The following SETD5 variants were observed in gnomAD, a reference collection of about 807,000 sequenced individuals.
SETD5 encodes SET domain containing 5.
SETD5 carries 44 observed loss-of-function variants against 153.3 expected under a neutral mutation model. The ratio of observed to expected loss-of-function variants is 0.29; its 90% CI spans 0.23 to 0.37. SETD5 has a LOEUF of 0.37. SETD5 is among the 10% of genes least tolerant of loss of function. The probability of loss-of-function intolerance (pLI) is 1.00; values close to 1 mark genes in which losing one functional copy is unlikely to be tolerated. For synonymous variants in SETD5, 716 were observed against 645.2 expected, an observed-to-expected ratio of 1.11 and a Z score of -1.66; for missense variants, 1,544 against 1,768.0, an observed-to-expected ratio of 0.87 and a Z score of 2.27.
In SETD5 at chr3:9,453,812, A is replaced by G; in HGVS notation, c.2420A>G (p.His807Arg). 1 of 1,607,956 alleles carries G rather than the reference A, an allele frequency of 6.2e-7. No homozygotes were observed. The highest frequency in any genetic ancestry group is 8.5e-7 in the Non-Finnish European group (1 of 1,178,242). The stretch of plus-strand genomic sequence containing the variant: ...GTACCCCAAGAGACTAGAACTCAGC[A>G]CCTATACCAAAGCAATGAGAATAGT... ...SSVPQETRTQ[H>R]LYQSNENSSS... The change falls in exon 17 of 23, where the codon CAC becomes CGC. Residue 807 changes from histidine (H) to arginine (R), a missense_variant. Transcript: ENST00000402198.
intron 19 of SETD5, among the ~76,000 whole-genome samples, chr3:9,472,912 G>T (rs895752201): frequency 1.3e-5 from 2 of 152,172 alleles, no homozygotes; most frequent in Admixed American, 1.3e-4. Context: ...GCATGCTTCT[G>T]TTACTGTGTA....
chr3:9,469,009 C>G (rs1177294558), intron 18 of SETD5, among the ~76,000 whole-genome samples: 3 of 152,108 alleles, frequency 2.0e-5, no homozygotes, highest in South Asian at 2.1e-4. Context: ...ATGCCTTGTT[C>G]TAGGGTTAAT....
intron 18 of SETD5, among the ~76,000 whole-genome samples, chr3:9,465,541 A>G (rs2044454499): frequency 6.6e-6 from 1 of 152,126 alleles, no homozygotes. Context: ...ACTTCTCCAG[A>G]TGTGTTTTTT....
At position 9,475,897 on chromosome 3, in the gene SETD5, A is replaced by G. The variant is rs749364218; in HGVS notation, c.4135A>G (p.Arg1379Gly). 9.3e-6 allele frequency: 15 copies of G among 1,613,896 alleles called. No individual in the cohort carries two copies. The Admixed American group carries it at 2.3e-4, about 25-fold the overall frequency. ...LSSTSFPQNS[R>G]SSLPSDLRTI... ...TTCCACCTCCTTTCCTCAGAACTCT[A>G]GGTCGTCATTGCCATCAGACTTACG... The change falls in exon 23 of 23, where the codon AGG becomes GGG. Residue 1379 changes from arginine (R) to glycine (G), a missense_variant. Coordinates refer to ENST00000402198, the MANE Select transcript of SETD5 (RefSeq NM_001080517.3).
intron 3 of SETD5, chr3:9,431,010 A>T (rs768215428): frequency 4.1e-6 from 4 of 985,386 alleles, no homozygotes; most frequent in Non-Finnish European, 4.8e-6. Context: ...TTAAATTATT[A>T]ATGATATTTA....
chr3:9,437,547 G>GTGTGTGTGTGTGTGTGTGTA (rs1414827081), intron 7 of SETD5, among the ~76,000 whole-genome samples: 1 of 151,760 alleles, frequency 6.6e-6, no homozygotes, highest in Admixed American at 6.6e-5. Flanking sequence ...GTGTGTGTGT[G>GTGTGTGTGTGTGTGTGTGTA]TGTATAAATA....
intron 16 of SETD5, 91 bp downstream of exon 16, chr3:9,448,721 A>G: frequency 7.7e-7 from 1 of 1,306,576 alleles, no homozygotes; most frequent in Non-Finnish European, 1.0e-6. Context: ...ACATAAATAA[A>G]ATGTTCTCTA....
chr3:9,464,926 T>C, intron 18 of SETD5: 1 of 523,308 alleles, frequency 1.9e-6, no homozygotes, highest in Non-Finnish European at 3.4e-6. Flanking sequence ...AGTCCATCAA[T>C]CTCCATAAGT....
At chr3:9,459,447 A>T (rs1387990118) in intron 17 of SETD5, among the ~76,000 whole-genome samples, 1 of 152,040 alleles carries the variant, frequency 6.6e-6, no homozygotes, top group Non-Finnish European at 1.5e-5. Flanking sequence ...TAGATTTGTG[A>T]TCTTACCTAG....
At chr3:9,427,417 G>A (rs746543237) in intron 2 of SETD5, among the ~76,000 whole-genome samples, 65 of 152,288 alleles carry the variant, frequency 4.3e-4, no homozygotes, top group Admixed American at 9.2e-4. Context: ...AGACATGGTG[G>A]CAGGCGCCTG....
chr3:9,453,185 G>A (rs561474244), intron 16 of SETD5, among the ~76,000 whole-genome samples: 13 of 152,178 alleles, frequency 8.5e-5, no homozygotes, highest in African/African-American at 2.6e-4. Flanking sequence ...CTTGTTGGAG[G>A]GGGGAGTCCC....
intron 2 of SETD5, among the ~76,000 whole-genome samples, chr3:9,427,735 T>C (rs2039473618): frequency 6.6e-6 from 1 of 152,202 alleles, no homozygotes; most frequent in South Asian, 2.1e-4. Context: ...TCTTTGACAT[T>C]CACATTGACT....
intron 9 of SETD5, 57 bp from the exon 10 acceptor site, chr3:9,442,071 A>G: frequency 8.6e-7 from 1 of 1,164,278 alleles, no homozygotes; most frequent in Admixed American, 1.9e-5. Flanking sequence ...ATTTGGAGTC[A>G]TGGGGTGGCC....
chr3:9,445,808 G>A (rs1344687552), intron 13 of SETD5, 68 bp downstream of exon 13: 2 of 1,142,054 alleles, frequency 1.8e-6, no homozygotes, highest in African/African-American at 1.6e-5. Context: ...AACCTCTTCT[G>A]TTCTCTTGAC....
chr3:9,438,564 T>C (rs1055776381), intron 7 of SETD5, among the ~76,000 whole-genome samples: 15 of 152,232 alleles, frequency 9.9e-5, no homozygotes, highest in African/African-American at 3.6e-4. Context: ...CTTTTAATTC[T>C]AAATTGAGTT....
chr3:9,474,846 T>C, intron 21 of SETD5: 1 of 617,920 alleles, frequency 1.6e-6, no homozygotes, highest in Non-Finnish European at 2.8e-6. Context: ...TCTACCTCGA[T>C]GAAGGATGAA....
At chr3:9,418,110 T>A (rs1230784093) in intron 1 of SETD5, among the ~76,000 whole-genome samples, 2 of 150,974 alleles carry the variant, frequency 1.3e-5, no homozygotes, top group African/African-American at 4.9e-5. Context: ...CCGGCTAATT[T>A]TTTTTTTTTT....
chr3:9,406,175 A>G (rs2035619385), intron 1 of SETD5, among the ~76,000 whole-genome samples: 1 of 152,208 alleles, frequency 6.6e-6, no homozygotes, highest in African/African-American at 2.4e-5. Flanking sequence ...TTTAAAAATA[A>G]ATGTGTTTAT....
chr3:9,435,652 C>T (rs996913247), intron 6 of SETD5, 76 bp from the exon 7 acceptor site: 48 of 1,350,976 alleles, frequency 3.6e-5, no homozygotes, highest in Non-Finnish European at 4.5e-5. Flanking sequence ...ATGTGGGGCA[C>T]ACCTAAAAGA....
Sources: allele counts gnomAD v4.1 joint callset (sites outside exome capture counted in the v4.1 genomes callset), GRCh38; gene constraint gnomAD v4.1.1; transcripts MANE v1.5; gene names NCBI Gene and HGNC (gene_info 2026-07-23, HGNC 2026-07-21).